Variants in SAAL1 observed in about 807,000 individuals in gnomAD.
The protein encoded by SAAL1 is serum amyloid A like 1, also known as protein SAAL1.
SAAL1 carries 42 observed loss-of-function variants against 59.8 expected under a neutral mutation model. The ratio of observed to expected loss-of-function variants is 0.70; its 90% CI spans 0.55 to 0.91. The LOEUF (loss-of-function observed/expected upper bound fraction) is 0.91. Among genes scored for constraint, SAAL1 ranks in the 40% least tolerant of loss-of-function variants. The pLI, the probability that SAAL1 is intolerant of heterozygous loss-of-function variation, is 0.00. For synonymous variants in SAAL1, 191 were observed against 194.3 expected (o/e 0.98, Z 0.14); for missense variants, 542 against 561.1 (o/e 0.97, Z 0.34).
chr11:18,090,647 A>G, intron 4 of SAAL1, 154 bp from the exon 5 acceptor site: 1 of 820,690 alleles, frequency 1.2e-6, no homozygotes, highest in Non-Finnish European at 1.8e-6. Context: ...AATAATTATA[A>G]AGCAAACACT....
In SAAL1 at chr11:18,080,379, A is replaced by G. The variant is rs1848397319; in HGVS notation, c.*20T>C. On this transcript the variant is annotated 3_prime_UTR_variant, in exon 12 of 12. Transcript: ENST00000524803. ...AAAATAAAGTTTATTTCTTGTACAGAAGTAATTCCAATTCAGGTTTTAAGT... is the reference window on the plus strand; with the variant it reads ...AAAATAAAGTTTATTTCTTGTACAGGAGTAATTCCAATTCAGGTTTTAAGT... 1.2e-5 allele frequency: 17 copies of G among 1,444,762 alleles called. No individual in the cohort carries two copies. The highest frequency in any genetic ancestry group is 1.5e-5 in the Non-Finnish European group (16 of 1,048,954). 89.5% of individuals were successfully genotyped at this position (1,444,762 alleles called of 1,614,324 possible). A position where few individuals can be genotyped will look rare whatever the true frequency, so the allele number is the denominator to read the frequency against.
chr11:18,089,500 C>G lies in SAAL1; in HGVS notation c.600G>C (p.Leu200=). 1 of 1,610,966 alleles carries G rather than the reference C, an allele frequency of 6.2e-7. No individual in the cohort carries two copies. The highest frequency in any genetic ancestry group is 8.5e-7 in the Non-Finnish European group (1 of 1,179,100). ...TGTCCACAACCTCCCCCACCTTCAC[C>G]AGCAAGTCAACTGCAGAGAATAAAA... ...IMSSSTNVDL[L]VKVGEVVDKL... The change falls in exon 7 of 12, where the codon CTG becomes CTC. Residue 200 remains leucine (L), a synonymous_variant. Coordinates refer to ENST00000524803, the MANE Select transcript of SAAL1 (RefSeq NM_138421.3).
chr11:18,097,277 C>A (rs183517506), intron 2 of SAAL1, among the ~76,000 whole-genome samples: 187 of 150,640 alleles, frequency 1.2e-3, no homozygotes, highest in African/African-American at 4.3e-3. Flanking sequence ...GAATTTTAGA[C>A]ACAAGAAAAA....
intron 10 of SAAL1, chr11:18,083,260 A>T (rs1284245614): frequency 4.8e-6 from 1 of 206,456 alleles, no homozygotes; most frequent in Non-Finnish European, 9.6e-6. Flanking sequence ...GGAAAACAGT[A>T]GTCTATAAAA....
chr11:18,082,424 T>G (rs1287262543), intron 10 of SAAL1, among the ~76,000 whole-genome samples: 1 of 151,204 alleles, frequency 6.6e-6, no homozygotes, highest in Non-Finnish European at 1.5e-5. Flanking sequence ...AAGCGTCAAG[T>G]AAAACCAACA....
At position 18,081,242 on chromosome 11, in the gene SAAL1, C is replaced by T. The variant is rs551291189; in HGVS notation, c.1332+169G>A. On this transcript the variant is annotated intron_variant, in intron 11 of 11. Coordinates refer to ENST00000524803, the MANE Select transcript of SAAL1 (RefSeq NM_138421.3). ...GCTCCTACTTCCAAGTGAGAACATACGGTATTTGGTTTTCTGTTTCCAGCA... is the reference window on the plus strand; with the variant it reads ...GCTCCTACTTCCAAGTGAGAACATATGGTATTTGGTTTTCTGTTTCCAGCA... 5.3e-5 allele frequency among the ~76,000 whole-genome samples: 8 copies of T among 152,170 alleles called. No homozygotes were observed. The East Asian group carries it at 7.7e-4, about 15-fold the overall frequency.
rs1411522352 is a variant in SAAL1 at position 18,083,709 on chromosome 11, G to T, written c.1065C>A (p.Ser355Arg). Residue 355 changes from serine (S) to arginine (R), a missense_variant, in exon 10 of 12, where the codon AGC (serine) becomes AGA (arginine). By Grantham distance (110) the Ser-to-Arg change is moderately radical. Transcript: ENST00000524803. ...CCATATTTTGTAAGACCCGAATGAG[G>T]CTGTCAATTAGAGGAAGATCTACTG... ...IEKVDLPLIDSLIRVLQNMEQ... is the reference protein window; with the variant it reads ...IEKVDLPLIDRLIRVLQNMEQ... The T allele has an allele frequency of 7.5e-6, 12 of 1,607,348 alleles. No individual in the cohort carries two copies. The highest frequency in any genetic ancestry group is 9.3e-6 in the Non-Finnish European group (11 of 1,177,056).
intron 10 of SAAL1, 44 bp from the exon 11 acceptor site, chr11:18,081,547 C>T: frequency 7.0e-7 from 1 of 1,419,368 alleles, no homozygotes; most frequent in Non-Finnish European, 1.0e-6. Flanking sequence ...GAAAATTTTT[C>T]AAGCTTTAAC....
chr11:18,089,429 T>C lies in SAAL1; in HGVS notation c.671A>G (p.Asn224Ser). ...TTGGTCCAGAGGCTGAGCAGCCCCA[T>C]TTCTGACCCATTCTAACATTAGTTT... Reference protein sequence around the residue: ...DEKLMLEWVRNGAAQPLDQPQ... With the variant: ...DEKLMLEWVRSGAAQPLDQPQ... The change falls in exon 7 of 12, where the codon AAT becomes AGT. Residue 224 changes from asparagine (N) to serine (S), a missense_variant. Asn to Ser is a conservative substitution (Grantham distance 46). Transcript: ENST00000524803. 1 of 1,612,748 alleles carries C rather than the reference T, an allele frequency of 6.2e-7. No individual in the cohort carries two copies. Among genetic ancestry groups the C allele is most frequent in the South Asian group, 1.1e-5 (1 of 90,718 alleles).
In SAAL1 at chr11:18,081,546, T is replaced by G. The variant is rs550561295; in HGVS notation, c.1240-43A>C. ...TTTAATGTCAAAAAAGGAAAATTTT[T>G]CAAGCTTTAACTAGTGAATAAAAAC... On this transcript the variant is annotated intron_variant, in intron 10 of 11. Coordinates refer to ENST00000524803, the MANE Select transcript of SAAL1 (RefSeq NM_138421.3). 128 of 1,497,796 alleles carry G rather than the reference T, an allele frequency of 8.5e-5. 1 individual carries two copies. In the South Asian group the frequency reaches 1.4e-3, roughly 17 times the overall value. 92.8% of individuals were successfully genotyped at this position (1,497,796 alleles called of 1,614,324 possible).
intron 7 of SAAL1, among the ~76,000 whole-genome samples, 162 bp from the exon 8 acceptor site, chr11:18,087,387 T>C (rs902037512): frequency 6.6e-6 from 1 of 152,210 alleles, no homozygotes; most frequent in Non-Finnish European, 1.5e-5. Context: ...TTAGAGCTTT[T>C]ATATTCTAAT....
At chr11:18,095,347 A>G (rs964834) in intron 3 of SAAL1, among the ~76,000 whole-genome samples, 62,996 of 152,076 alleles carry the variant, frequency 0.41, 13,681 homozygotes, top group African/African-American at 0.52. Context: ...TAGCATAATC[A>G]TCAAATCTTA....
In SAAL1 at chr11:18,088,454, G is replaced by A. The variant is rs529602855; in HGVS notation, c.770+876C>T. ...CGAAGCATGAGAGTGAAATGAGTGC[G>A]TACTTTGCAAAAACAGCTTTAAAGT... On this transcript the variant is annotated intron_variant, in intron 7 of 11. Transcript: ENST00000524803. 5.9e-5 allele frequency among the ~76,000 whole-genome samples: 9 copies of A among 152,234 alleles called. No individual in the cohort carries two copies. In the South Asian group the frequency reaches 1.5e-3, roughly 25 times the overall value.
At chr11:18,091,930 A>C (rs990519361) in intron 4 of SAAL1, among the ~76,000 whole-genome samples, 17 of 152,090 alleles carry the variant, frequency 1.1e-4, no homozygotes, top group African/African-American at 3.9e-4. Context: ...CCTGCCCCTA[A>C]ACTGTTTTGG....
rs1848685054 is a variant in SAAL1 at position 18,105,928 on chromosome 11, G to A, written c.114C>T (p.Gly38=). ...ACACCTGGATGAGTCCGCTGAGGACGCCGAAGAGCCAGTGTTTGCTGTAGA... is the reference window on the plus strand; with the variant it reads ...ACACCTGGATGAGTCCGCTGAGGACACCGAAGAGCCAGTGTTTGCTGTAGA... The part of the protein sequence containing the change: ...STVYSKHWLF[G]VLSGLIQIVS... The change falls in exon 1 of 12, where the codon GGC becomes GGT. Residue 38 remains glycine (G), a synonymous_variant. Transcript: ENST00000524803. The A allele has an allele frequency of 6.2e-7, 1 of 1,604,046 alleles. No individual in the cohort carries two copies. The highest frequency in any genetic ancestry group is 1.1e-5 in the South Asian group (1 of 88,988).
At chr11:18,100,993 C>T (rs1484238331) in intron 2 of SAAL1, among the ~76,000 whole-genome samples, 2 of 152,118 alleles carry the variant, frequency 1.3e-5, no homozygotes, top group Non-Finnish European at 2.9e-5. Context: ...AAAAGATACA[C>T]AGAGTACAAA....
At position 18,094,848 on chromosome 11, in the gene SAAL1, A is replaced by G. The variant is rs1397247573; in HGVS notation, c.333+1923T>C. ...CCACATACATTTCCCTTATAAACTA[A>G]AGAGGGAATAACTGAACTTCCAATC... On this transcript the variant is annotated intron_variant, in intron 3 of 11. Coordinates refer to ENST00000524803, the MANE Select transcript of SAAL1 (RefSeq NM_138421.3). 2.6e-5 allele frequency among the ~76,000 whole-genome samples: 4 copies of G among 152,176 alleles called. No individual in the cohort carries two copies. The East Asian group carries it at 5.8e-4, about 22-fold the overall frequency.
intron 2 of SAAL1, among the ~76,000 whole-genome samples, chr11:18,100,222 C>A (rs1428934415): frequency 6.6e-6 from 1 of 152,128 alleles, no homozygotes; most frequent in Non-Finnish European, 1.5e-5. Context: ...ATAAGATATT[C>A]CACCCAGCAA....
chr11:18,081,519 G>A lies in SAAL1; in HGVS notation c.1240-16C>T. ...CCACCGTCTCCTAAAACAACAACAA[G>A]ATTTAATGTCAAAAAAGGAAAATTT... On this transcript the variant is annotated splice_polypyrimidine_tract_variant and intron_variant, in intron 10 of 11. Transcript: ENST00000524803. 1 of 1,608,888 alleles carries A rather than the reference G, an allele frequency of 6.2e-7. No individual in the cohort carries two copies. Among genetic ancestry groups the A allele is most frequent in the Non-Finnish European group, 8.5e-7 (1 of 1,176,228 alleles).
Sources: gnomAD v4.1 joint callset for allele counts (sites outside exome capture counted in the v4.1 genomes callset) on GRCh38, gnomAD v4.1.1 for gene constraint, MANE v1.5 for transcripts, NCBI Gene and HGNC (gene_info 2026-07-23, HGNC 2026-07-21) for gene names.